CEP85L: variants seen among roughly 807,000 people sequenced by gnomAD.
The protein encoded by CEP85L is centrosomal protein 85L, also known as centrosomal protein of 85 kDa-like.
Under a neutral mutation model 100.3 loss-of-function variants are expected in CEP85L, and 60 were observed. The ratio of observed to expected loss-of-function variants is 0.60; its 90% CI spans 0.49 to 0.74. CEP85L has a LOEUF of 0.74. CEP85L is among the 30% of genes least tolerant of loss of function. The probability of loss-of-function intolerance (pLI) is 0.00; values close to 1 mark genes in which losing one functional copy is unlikely to be tolerated. For missense variants in CEP85L, 973 were observed against 936.2 expected, an observed-to-expected ratio of 1.04 and a Z score of -0.51; for synonymous variants, 319 against 322.7, an observed-to-expected ratio of 0.99 and a Z score of 0.12.
Position 118,566,131 on chromosome 6 carries a change from C to G in CEP85L, c.418G>C (p.Glu140Gln), listed in dbSNP as rs1304159535. The G allele has an allele frequency of 1.2e-6, 2 of 1,613,980 alleles. No homozygotes were observed. The highest frequency in any genetic ancestry group is 1.7e-6 in the Non-Finnish European group (2 of 1,179,994). The change falls in exon 3 of 13, where the codon GAG becomes CAG. Residue 140 changes from glutamate to glutamine, a missense_variant. Transcript: ENST00000368491. ...TTCATGTCTAGGGAAGAGTCCTGCT[C>G]CCCCCTACTGTGGTTTCCCAATGTT... ...MQTLGNHSRG[E>Q]QDSSLDMKDF... is the part of the protein sequence containing the mutation.
chr6:118,699,797 TG>T (rs1445562147), intron 1 of CEP85L, among the ~76,000 whole-genome samples: 4 of 152,114 alleles, frequency 2.6e-5, no homozygotes, highest in Admixed American at 1.3e-4. Flanking sequence ...TGGGTTCAAG[TG>T]ATTCTTCTGC....
At chr6:118,500,160 A>C (rs535114311) in intron 5 of CEP85L, among the ~76,000 whole-genome samples, 1 of 150,354 alleles carries the variant, frequency 6.7e-6, no homozygotes, top group Non-Finnish European at 1.5e-5. Flanking sequence ...TTTTTTAATT[A>C]GCCAGGCATG....
chr6:118,632,285 G>A (rs372832555), intron 2 of CEP85L, among the ~76,000 whole-genome samples, 168 bp downstream of exon 2: 37 of 152,144 alleles, frequency 2.4e-4, no homozygotes, highest in African/African-American at 5.5e-4. Flanking sequence ...CACCGCGCCC[G>A]GTCGATTAGA....
intron 2 of CEP85L, among the ~76,000 whole-genome samples, chr6:118,623,920 T>A (rs991534888): frequency 2.0e-5 from 3 of 152,182 alleles, no homozygotes; most frequent in Non-Finnish European, 4.4e-5. Context: ...GGATCCCTTG[T>A]GGGAGGGACC....
In CEP85L at chr6:118,577,055, C is replaced by T. The variant is rs569908037; in HGVS notation, c.233-10739G>A. Among the ~76,000 whole-genome samples the T allele has an allele frequency of 5.3e-5, 8 of 152,294 alleles. No homozygotes were observed. The South Asian group carries it at 1.7e-3, about 32-fold the overall frequency. ...GGGGCAGTAAGGCATGTCAAACCCTCTTGCTGCTATTCCTAGAAGTGAAAA... is the reference window on the plus strand; with the variant it reads ...GGGGCAGTAAGGCATGTCAAACCCTTTTGCTGCTATTCCTAGAAGTGAAAA... On this transcript the variant is annotated intron_variant, in intron 2 of 12. Transcript: ENST00000368491.
intron 2 of CEP85L, among the ~76,000 whole-genome samples, chr6:118,566,638 C>G (rs1484698007): frequency 6.6e-6 from 1 of 152,112 alleles, no homozygotes; most frequent in Non-Finnish European, 1.5e-5. Context: ...AGGCTGGTCT[C>G]GAACTCCTGA....
At chr6:118,560,766 A>G (rs1779179579) in intron 3 of CEP85L, 1 of 159,828 alleles carries the variant, frequency 6.3e-6, no homozygotes, top group African/African-American at 2.4e-5. Flanking sequence ...AACATCTTCC[A>G]ATAACTCATA....
chr6:118,615,607 T>C, intron 2 of CEP85L, among the ~76,000 whole-genome samples: 1 of 152,194 alleles, frequency 6.6e-6, no homozygotes, highest in East Asian at 1.9e-4. Flanking sequence ...TAAGAAAGTC[T>C]TTCTTTACCT....
At chr6:118,470,686 T>C (rs777878791) in intron 10 of CEP85L, 42 bp from the exon 11 acceptor site, 3 of 1,140,820 alleles carry the variant, frequency 2.6e-6, no homozygotes, top group Non-Finnish European at 2.6e-6. Context: ...CAGGTTAACA[T>C]GTAAAGAAAA....
chr6:118,652,368 GA>G, upstream of CEP85L: 2 of 1,046,444 alleles, frequency 1.9e-6, no homozygotes, highest in Admixed American at 5.1e-5. Context: ...AAGGAAGGGC[GA>G]AAAGGGACAG....
intron 1 of CEP85L, among the ~76,000 whole-genome samples, chr6:118,683,136 G>T (rs190862536): frequency 2.0e-5 from 3 of 152,294 alleles, no homozygotes; most frequent in Admixed American, 1.3e-4. Flanking sequence ...TCACAAAGGT[G>T]TGTATTTTTC....
chr6:118,650,584 C>G (rs1775484677), intron 1 of CEP85L, among the ~76,000 whole-genome samples: 2 of 152,350 alleles, frequency 1.3e-5, no homozygotes, highest in South Asian at 4.1e-4. Context: ...GCCGCAGGGG[C>G]TGCGGGGCGG....
At chr6:118,651,606 G>C (rs979005752), upstream of CEP85L, 28 of 1,063,270 alleles carry the variant, frequency 2.6e-5, no homozygotes, top group South Asian at 4.1e-5. Context: ...CCCCTCCGCC[G>C]GCAGAGCCAG....
At chr6:118,674,128 A>G (rs955354969) in intron 1 of CEP85L, among the ~76,000 whole-genome samples, 36 of 152,248 alleles carry the variant, frequency 2.4e-4, no homozygotes, top group African/African-American at 8.4e-4. Flanking sequence ...TATGACACCA[A>G]AAACACGGAT....
chr6:118,462,353 A>C lies in CEP85L; in HGVS notation c.*3052T>G, dbSNP rs1315723174. The C allele has an allele frequency of 6.6e-6, 1 of 152,004 alleles. No individual in the cohort carries two copies. The highest frequency in any genetic ancestry group is 2.4e-5 in the African/African-American group (1 of 41,440). 9.4% of individuals were successfully genotyped at this position (152,004 alleles called of 1,614,324 possible). ...CCACTGAAAATTAATAGTTCAAATTAAGCCATTTTACTTTTCTGAGCTCAA... is the reference window on the plus strand; with the variant it reads ...CCACTGAAAATTAATAGTTCAAATTCAGCCATTTTACTTTTCTGAGCTCAA... On this transcript the variant is annotated 3_prime_UTR_variant, in exon 13 of 13. Transcript: ENST00000368491.
intron 2 of CEP85L, among the ~76,000 whole-genome samples, chr6:118,617,947 G>A (rs530051538): frequency 3.3e-5 from 5 of 152,264 alleles, no homozygotes; most frequent in South Asian, 2.1e-4. Flanking sequence ...AGTTAAAGGC[G>A]ATTAGCAAGA....
intron 4 of CEP85L, among the ~76,000 whole-genome samples, chr6:118,513,747 CA>C (rs949374543): frequency 6.6e-6 from 1 of 151,178 alleles, no homozygotes; most frequent in African/African-American, 2.4e-5. Context: ...ACTTCAACTA[CA>C]AAAAAAATGA....
intron 4 of CEP85L, among the ~76,000 whole-genome samples, chr6:118,519,458 G>GTGTGTGTC (rs1776494010): frequency 1.5e-5 from 1 of 65,808 alleles, no homozygotes; most frequent in African/African-American, 6.2e-5. Context: ...GTGTGTGTGT[G>GTGTGTGTC]TGTGTGTGTG....
chr6:118,482,816 T>G (rs939046474), intron 7 of CEP85L, among the ~76,000 whole-genome samples: 1 of 152,168 alleles, frequency 6.6e-6, no homozygotes, highest in African/African-American at 2.4e-5. Context: ...CTCTCTTAGT[T>G]TTTACAACTT....
Sources: gnomAD v4.1 joint callset for allele counts (sites outside exome capture counted in the v4.1 genomes callset) on GRCh38, gnomAD v4.1.1 for gene constraint, MANE v1.5 for transcripts, NCBI Gene and HGNC (gene_info 2026-07-23, HGNC 2026-07-21) for gene names.